CUX2: variants seen among roughly 807,000 people sequenced by gnomAD.
CUX2 encodes homeobox protein cut-like 2.
In CUX2, 40 loss-of-function variants were observed where a neutral mutation model predicts 144.8. The observed-to-expected ratio is 0.28, with a 90% CI of 0.21 to 0.36. The LOEUF is 0.36. Among genes scored for constraint, CUX2 ranks in the 10% least tolerant of loss-of-function variants. CUX2 has a pLI of 1.00. For synonymous variants in CUX2, 827 were observed against 875.6 expected (o/e 0.94, Z 0.98); for missense variants, 1,615 against 1,994.0 (o/e 0.81, Z 3.62).
intron 1 of CUX2, among the ~76,000 whole-genome samples, chr12:111,074,778 C>T (rs947170326): frequency 6.6e-6 from 1 of 152,012 alleles, no homozygotes; most frequent in Non-Finnish European, 1.5e-5. Flanking sequence ...CGGCAGGGCC[C>T]AGCAGCTGGG....
At chr12:111,334,950 T>G (rs932670327) in intron 19 of CUX2, among the ~76,000 whole-genome samples, 2 of 152,134 alleles carry the variant, frequency 1.3e-5, no homozygotes, top group Non-Finnish European at 2.9e-5. Context: ...CATACAAACT[T>G]CACACGTGTT....
intron 4 of CUX2, among the ~76,000 whole-genome samples, chr12:111,288,624 C>T (rs909553982): frequency 5.9e-5 from 9 of 151,948 alleles, no homozygotes; most frequent in Non-Finnish European, 1.0e-4. Context: ...GTCAGGAGTT[C>T]GAGACCAGCC....
chr12:111,128,841 G>A (rs1875257473), intron 1 of CUX2, among the ~76,000 whole-genome samples: 1 of 152,184 alleles, frequency 6.6e-6, no homozygotes, highest in Non-Finnish European at 1.5e-5. Context: ...GGGCACCATG[G>A]CATCTGCTGG....
Position 111,171,805 on chromosome 12 carries a change from T to C in CUX2, c.64-42395T>C, listed in dbSNP as rs1878539166. On this transcript the variant is annotated intron_variant, in intron 1 of 21. Coordinates refer to ENST00000261726, the MANE Select transcript of CUX2 (RefSeq NM_015267.4). This position sits in a 1 kb window ranked among gnomAD's most constrained non-coding sequence, Gnocchi z 5.0. ...GAAGGAGCCGGAGAGAAGGCAGAGC[T>C]TGGGAAATTGGCCCTCTGTCTTCTC... 6.6e-6 allele frequency among the ~76,000 whole-genome samples: 1 copy of C among 152,200 alleles called. No homozygotes were observed. The highest frequency in any genetic ancestry group is 2.1e-4 in the South Asian group (1 of 4,828).
At chr12:111,060,362 A>G (rs1870713754) in intron 1 of CUX2, among the ~76,000 whole-genome samples, 1 of 152,194 alleles carries the variant, frequency 6.6e-6, no homozygotes, top group South Asian at 2.1e-4. Flanking sequence ...CTCCCTTTTT[A>G]AAATCACCGT....
chr12:111,034,989 C>G lies in CUX2; in HGVS notation c.63+749C>G, dbSNP rs1241881100. Among the ~76,000 whole-genome samples the G allele has an allele frequency of 6.6e-6, 1 of 152,096 alleles. No individual in the cohort carries two copies. The highest frequency in any genetic ancestry group is 2.4e-5 in the African/African-American group (1 of 41,440). ...CTTTACCCCCCCGCCCCTTCCATCC[C>G]CTTCCCAAGTCTAGATGCAGACGGG... is the stretch of plus-strand genomic sequence containing the variant. On this transcript the variant is annotated intron_variant, in intron 1 of 21. Transcript: ENST00000261726. This position sits in a 1 kb window ranked among gnomAD's most constrained non-coding sequence, Gnocchi z 4.2.
chr12:111,194,835 C>T (rs1334673828), intron 1 of CUX2, among the ~76,000 whole-genome samples: 1 of 152,218 alleles, frequency 6.6e-6, no homozygotes, highest in Non-Finnish European at 1.5e-5. Flanking sequence ...AGCCCCAGAG[C>T]CTGGGTGGTC....
In CUX2 at chr12:111,073,184, A is replaced by C. The variant is rs113693334; in HGVS notation, c.63+38944A>C. Among the ~76,000 whole-genome samples, 2 of 152,022 alleles carry C rather than the reference A, an allele frequency of 1.3e-5. 1 individual carries two copies. Among genetic ancestry groups the C allele is most frequent in the Non-Finnish European group, 2.9e-5 (2 of 68,012 alleles). On this transcript the variant is annotated intron_variant, in intron 1 of 21. Transcript: ENST00000261726. ...CTCCTTCGTATCCCTTCCAGTCACT[A>C]CCAACCACCCACCCCCCAGGGTGAA...
At chr12:111,095,460 A>G (rs1005801990) in intron 1 of CUX2, among the ~76,000 whole-genome samples, 1 of 152,090 alleles carries the variant, frequency 6.6e-6, no homozygotes, top group Non-Finnish European at 1.5e-5. Flanking sequence ...CCCTATCTCA[A>G]AGAAAAAAAA....
chr12:111,220,937 TAAAA>T (rs1162004039), intron 3 of CUX2, among the ~76,000 whole-genome samples: 1 of 92,096 alleles, frequency 1.1e-5, no homozygotes, highest in Non-Finnish European at 2.1e-5. Context: ...CCTGGTCTCT[TAAAA>T]AAAAAAAAAA....
chr12:111,317,397 T>TAC lies in CUX2; in HGVS notation c.2003-2610_2003-2609dup, dbSNP rs568969347. 3.7e-3 allele frequency among the ~76,000 whole-genome samples: 541 copies of TAC among 145,298 alleles called. 1 individual carries two copies. Among genetic ancestry groups the TAC allele is most frequent in the Middle Eastern group, 0.034 (10 of 290 alleles). ...TCTCAGGTGTCTGTGTGTATGTGTG[T>TAC]ACACACGTGCATATATATATATGTG... On this transcript the variant is annotated intron_variant, in intron 16 of 21. Coordinates refer to ENST00000261726, the MANE Select transcript of CUX2 (RefSeq NM_015267.4).
At chr12:111,251,635 C>G (rs1883565819) in intron 3 of CUX2, among the ~76,000 whole-genome samples, 2 of 152,168 alleles carry the variant, frequency 1.3e-5, no homozygotes, top group Non-Finnish European at 2.9e-5. Context: ...CAAAAGTGTT[C>G]TTAATGCCGA....
chr12:111,158,487 A>C (rs112568402), intron 1 of CUX2, among the ~76,000 whole-genome samples: 7 of 150,948 alleles, frequency 4.6e-5, no homozygotes, highest in African/African-American at 1.7e-4. Flanking sequence ...AAAAAAAAAA[A>C]AGCTCAGCCA....
intron 21 of CUX2, among the ~76,000 whole-genome samples, chr12:111,346,168 C>T (rs1888797218): frequency 6.9e-6 from 1 of 144,854 alleles, no homozygotes; most frequent in Non-Finnish European, 1.5e-5. Flanking sequence ...ACTTTTGCAC[C>T]AACCTAACAG....
chr12:111,305,750 TA>T (rs1886547281), intron 10 of CUX2, among the ~76,000 whole-genome samples: 1 of 152,192 alleles, frequency 6.6e-6, no homozygotes, highest in Admixed American at 6.5e-5. Context: ...ATGCTACTGT[TA>T]TAATTGTTAA....
chr12:111,329,283 C>A (rs1475996923), intron 18 of CUX2, among the ~76,000 whole-genome samples: 1 of 151,678 alleles, frequency 6.6e-6, no homozygotes, highest in Non-Finnish European at 1.5e-5. Flanking sequence ...ACCCCACCCA[C>A]AAGCCCAGCA....
intron 1 of CUX2, among the ~76,000 whole-genome samples, chr12:111,082,458 G>T (rs1347672607): frequency 6.6e-6 from 1 of 152,140 alleles, no homozygotes; most frequent in East Asian, 1.9e-4. Context: ...GAATGCCTAC[G>T]GTGTGCCAAG....
chr12:111,072,743 G>A (rs909765172), intron 1 of CUX2, among the ~76,000 whole-genome samples: 4 of 152,154 alleles, frequency 2.6e-5, no homozygotes, highest in African/African-American at 4.8e-5. Flanking sequence ...TACAGTCTCT[G>A]GTTCTATTTA....
chr12:111,216,039 C>T (rs1341328090), intron 2 of CUX2, among the ~76,000 whole-genome samples: 1 of 152,236 alleles, frequency 6.6e-6, no homozygotes, highest in Non-Finnish European at 1.5e-5. Flanking sequence ...TATTTAAGAG[C>T]TCCTCTGGCT....
Sources: allele counts gnomAD v4.1 joint callset (sites outside exome capture counted in the v4.1 genomes callset), GRCh38; gene constraint gnomAD v4.1.1; non-coding constraint Gnocchi (gnomAD v3.1); transcripts MANE v1.5; gene names NCBI Gene and HGNC (gene_info 2026-07-23, HGNC 2026-07-21).